CNTNAP2: variants seen among roughly 807,000 people sequenced by gnomAD.
The protein encoded by CNTNAP2 is contactin associated protein 2.
A neutral mutation model predicts 155.2 loss-of-function variants in CNTNAP2; 98 were observed. The ratio of observed to expected loss-of-function variants is 0.63; its 90% CI spans 0.54 to 0.75. The LOEUF is 0.75. CNTNAP2 is among the 30% of genes least tolerant of loss of function. CNTNAP2 has a pLI of 0.00. For synonymous variants in CNTNAP2, 651 were observed against 631.2 expected (o/e 1.03, Z -0.47); for missense variants, 1,727 against 1,688.1 (o/e 1.02, Z -0.40).
chr7:148,073,864 G>A (rs1375910899), intron 15 of CNTNAP2, among the ~76,000 whole-genome samples: 2 of 151,828 alleles, frequency 1.3e-5, no homozygotes, highest in Non-Finnish European at 2.9e-5. Context: ...CACAAGATTT[G>A]AAACCCATGT....
At chr7:147,689,850 T>C (rs542588858) in intron 13 of CNTNAP2, among the ~76,000 whole-genome samples, 1 of 152,196 alleles carries the variant, frequency 6.6e-6, no homozygotes, top group Admixed American at 6.5e-5. Flanking sequence ...GGAGACAGTA[T>C]GCAGAAAAGC....
intron 16 of CNTNAP2, among the ~76,000 whole-genome samples, chr7:148,146,627 A>G (rs1329774123): frequency 6.6e-6 from 1 of 152,226 alleles, no homozygotes; most frequent in Non-Finnish European, 1.5e-5. Context: ...CAGATGGGGA[A>G]TAACCAAGGT....
At chr7:147,805,073 T>C (rs1324822796) in intron 13 of CNTNAP2, among the ~76,000 whole-genome samples, 1 of 146,238 alleles carries the variant, frequency 6.8e-6, no homozygotes, top group Admixed American at 6.7e-5. Flanking sequence ...TGATTCAATA[T>C]CATTTTTTTT....
At chr7:147,943,698 G>A (rs1179828428) in intron 14 of CNTNAP2, among the ~76,000 whole-genome samples, 1 of 139,670 alleles carries the variant, frequency 7.2e-6, no homozygotes, top group African/African-American at 2.8e-5. Flanking sequence ...AGGAGACAGA[G>A]GTTGCAGTGA....
At chr7:146,261,902 G>T (rs941240666) in intron 1 of CNTNAP2, among the ~76,000 whole-genome samples, 2 of 152,124 alleles carry the variant, frequency 1.3e-5, no homozygotes, top group Non-Finnish European at 2.9e-5. Flanking sequence ...TCTATGGATA[G>T]GAAGAAATGA....
intron 1 of CNTNAP2, among the ~76,000 whole-genome samples, chr7:146,509,236 C>T (rs1470762617): frequency 1.3e-5 from 2 of 152,240 alleles, no homozygotes; most frequent in African/African-American, 4.8e-5. Context: ...CATAGTCCCA[C>T]ACCATTTGCA....
intron 3 of CNTNAP2, among the ~76,000 whole-genome samples, chr7:147,026,982 AAAAAC>A (rs909221600): frequency 1.3e-5 from 2 of 150,072 alleles, no homozygotes; most frequent in Non-Finnish European, 3.0e-5. Flanking sequence ...CTCCAGGAGG[AAAAAC>A]AAAACAAAAC....
In CNTNAP2 at chr7:147,404,911, T is replaced by TA. The variant is rs1002683368; in HGVS notation, c.1670+9138dup. Reference sequence around the variant, plus strand: ...AGAGTGACAAAAACATATTCTTTTTTAAAAAAAGGTAGTGAAATGCCAGAG... The same window carrying TA: ...AGAGTGACAAAAACATATTCTTTTTTAAAAAAAAGGTAGTGAAATGCCAGAG... On this transcript the variant is annotated intron_variant, in intron 10 of 23. Transcript: ENST00000361727. Among the ~76,000 whole-genome samples, 9 of 152,156 alleles carry TA rather than the reference T, an allele frequency of 5.9e-5. No individual in the cohort carries two copies. The South Asian group carries it at 8.3e-4, about 14-fold the overall frequency.
intron 20 of CNTNAP2, among the ~76,000 whole-genome samples, chr7:148,234,786 G>T (rs1263362135): frequency 6.6e-6 from 1 of 152,184 alleles, no homozygotes; most frequent in Non-Finnish European, 1.5e-5. Context: ...TAAACTACAT[G>T]TTCTTTGAAT....
intron 3 of CNTNAP2, among the ~76,000 whole-genome samples, chr7:147,036,003 A>G (rs1799145860): frequency 6.6e-6 from 1 of 152,290 alleles, no homozygotes; most frequent in Admixed American, 6.5e-5. Flanking sequence ...TTAACTGTCA[A>G]CTGGCTGGAA....
At chr7:148,265,107 G>T (rs934817762) in intron 20 of CNTNAP2, among the ~76,000 whole-genome samples, 1 of 152,230 alleles carries the variant, frequency 6.6e-6, no homozygotes, top group Non-Finnish European at 1.5e-5. Flanking sequence ...TTTAACAAAA[G>T]AGAGTAAGTA....
intron 1 of CNTNAP2, among the ~76,000 whole-genome samples, chr7:146,414,839 C>T (rs1391874083): frequency 6.6e-6 from 1 of 152,080 alleles, no homozygotes; most frequent in Admixed American, 6.6e-5. Flanking sequence ...GAAAGGTCCC[C>T]TTTTGGCATA....
intron 1 of CNTNAP2, among the ~76,000 whole-genome samples, chr7:146,183,338 A>C (rs1310874082): frequency 6.6e-6 from 1 of 152,032 alleles, no homozygotes; most frequent in Non-Finnish European, 1.5e-5. Context: ...TTAACCCTTC[A>C]TTGGTCCCAA....
At chr7:148,050,250 G>A (rs1802863094) in intron 15 of CNTNAP2, among the ~76,000 whole-genome samples, 2 of 152,338 alleles carry the variant, frequency 1.3e-5, no homozygotes, top group Non-Finnish European at 2.9e-5. Flanking sequence ...GGAGCTGGCA[G>A]CTCTGTGTGT....
chr7:146,815,245 A>C (rs1395522494), intron 2 of CNTNAP2, among the ~76,000 whole-genome samples: 2 of 152,166 alleles, frequency 1.3e-5, no homozygotes, highest in Non-Finnish European at 2.9e-5. Context: ...ATTCAGTAGA[A>C]GACATAAGTT....
intron 10 of CNTNAP2, among the ~76,000 whole-genome samples, chr7:147,417,664 A>T (rs1033829092): frequency 6.6e-6 from 1 of 152,166 alleles, no homozygotes; most frequent in Non-Finnish European, 1.5e-5. Context: ...TAGCAATGTA[A>T]TTATTATTGT....
chr7:147,179,486 T>G (rs1416116679), intron 8 of CNTNAP2, among the ~76,000 whole-genome samples: 1 of 152,138 alleles, frequency 6.6e-6, no homozygotes, highest in Non-Finnish European at 1.5e-5. Flanking sequence ...ATCTACCAGA[T>G]TCTAGGAACA....
At chr7:147,667,714 T>C (rs1795718913) in intron 13 of CNTNAP2, among the ~76,000 whole-genome samples, 2 of 151,910 alleles carry the variant, frequency 1.3e-5, no homozygotes, top group South Asian at 4.1e-4. Context: ...ACCACCTCTT[T>C]GATTCAACCA....
At chr7:148,003,487 C>G (rs928480652) in intron 15 of CNTNAP2, among the ~76,000 whole-genome samples, 3 of 152,148 alleles carry the variant, frequency 2.0e-5, no homozygotes, top group African/African-American at 7.2e-5. Flanking sequence ...AGCATACTTC[C>G]TCTCTGATTC....
Sources: allele counts gnomAD v4.1 joint callset (sites outside exome capture counted in the v4.1 genomes callset), GRCh38; gene constraint gnomAD v4.1.1; transcripts MANE v1.5; gene names NCBI Gene and HGNC (gene_info 2026-07-23, HGNC 2026-07-21).